The following WNT3A variants were observed in gnomAD, a reference collection of about 807,000 sequenced individuals.
WNT3A encodes Wnt family member 3A, also known as protein Wnt-3a.
WNT3A carries 17 observed loss-of-function variants against 37.0 expected under a neutral mutation model. The observed-to-expected ratio is 0.46, with a 90% CI of 0.31 to 0.69. The LOEUF (loss-of-function observed/expected upper bound fraction) is 0.69, where lower values mean the gene tolerates loss of function less well. Among genes scored for constraint, WNT3A ranks in the 30% least tolerant of loss-of-function variants. WNT3A has a pLI of 0.05. For missense variants in WNT3A, 411 were observed against 510.2 expected (o/e 0.81, Z 1.87); for synonymous variants, 187 against 211.0 (o/e 0.89, Z 0.99).
At chr1:228,024,576 G>T (rs2030808520) in intron 2 of WNT3A, among the ~76,000 whole-genome samples, 1 of 152,178 alleles carries the variant, frequency 6.6e-6, no homozygotes, top group South Asian at 2.1e-4. Flanking sequence ...ATGTGCATCA[G>T]ATGTATGATT....
chr1:228,037,695 C>A lies in WNT3A; in HGVS notation c.314-12961C>A, dbSNP rs943065333. Among the ~76,000 whole-genome samples, 2 of 152,198 alleles carry A rather than the reference C, an allele frequency of 1.3e-5. No homozygotes were observed. The highest frequency in any genetic ancestry group is 3.9e-4 in the East Asian group (2 of 5,170). ...GGGTGGGGGGCTCCCCTGGCTCCAG[C>A]GGCCTCTCTGGTATATCATTAACTC... is the stretch of plus-strand genomic sequence containing the variant. On this transcript the variant is annotated intron_variant, in intron 2 of 3. Coordinates refer to ENST00000284523, the MANE Select transcript of WNT3A (RefSeq NM_033131.4). This position sits in a 1 kb window ranked among gnomAD's most constrained non-coding sequence, Gnocchi z 4.1.
At position 228,060,306 on chromosome 1, in the gene WNT3A, G is replaced by A. The variant is rs187908511; in HGVS notation, c.*841G>A. ...CGTCGAGCTGGGAAGGTTCCATGAAGCGAGTCGGGTCCCCAACCCGTGCCC... is the reference window on the plus strand; with the variant it reads ...CGTCGAGCTGGGAAGGTTCCATGAAACGAGTCGGGTCCCCAACCCGTGCCC... On this transcript the variant is annotated 3_prime_UTR_variant, in exon 4 of 4. Transcript: ENST00000284523. 7.0e-3 allele frequency: 9,508 copies of A among 1,350,976 alleles called. 55 individuals carry two copies. Among genetic ancestry groups the A allele is most frequent in the Non-Finnish European group, 8.4e-3 (8,528 of 1,020,944 alleles). The allele number at this position is 1,350,976 out of a possible 1,614,324, so 83.7% of individuals were successfully genotyped here. A position where few individuals can be genotyped will look rare whatever the true frequency, so the allele number is the denominator to read the frequency against.
intron 1 of WNT3A, among the ~76,000 whole-genome samples, chr1:228,016,032 G>A (rs2030522876): frequency 6.6e-6 from 1 of 152,118 alleles, no homozygotes; most frequent in African/African-American, 2.4e-5. Flanking sequence ...CACCTTCTGG[G>A]CACCCGATGT....
rs1312199347 is a variant in WNT3A, at chr1:228,059,756, GA to G, written c.*292del. 5.6e-5 allele frequency: 70 copies of G among 1,243,110 alleles called. No homozygotes were observed. The Middle Eastern group carries it at 1.6e-3, about 28-fold the overall frequency. 77.0% of individuals were successfully genotyped at this position (1,243,110 alleles called of 1,614,324 possible). On this transcript the variant is annotated 3_prime_UTR_variant, in exon 4 of 4. Coordinates refer to ENST00000284523, the MANE Select transcript of WNT3A (RefSeq NM_033131.4). ...CCTGGGGACGGGGCTCCCCTGGACA[GA>G]GGCGGGGCTACAGATTGGGCGGGGC...
Position 228,060,348 on chromosome 1 carries a change from C to G in WNT3A, c.*883C>G, listed in dbSNP as rs773510049. On this transcript the variant is annotated 3_prime_UTR_variant, in exon 4 of 4. Coordinates refer to ENST00000284523, the MANE Select transcript of WNT3A (RefSeq NM_033131.4). ...CCCGTGCCCCTGGGATCCGAGGGCC[C>G]CTCTCCAAGCGCCTGGCTTTGGAAT... 2 of 1,309,140 alleles carry G rather than the reference C, an allele frequency of 1.5e-6. No homozygotes were observed. Among genetic ancestry groups the G allele is most frequent in the Non-Finnish European group, 2.0e-6 (2 of 984,752 alleles). The allele number at this position is 1,309,140 out of a possible 1,614,324, so 81.1% of individuals were successfully genotyped here.
At chr1:228,045,638 G>A (rs759228311) in intron 2 of WNT3A, among the ~76,000 whole-genome samples, 99 of 152,238 alleles carry the variant, frequency 6.5e-4, no homozygotes, top group Non-Finnish European at 1.1e-3. Flanking sequence ...GGCCCCTCCA[G>A]GCCTGTCTGT....
intron 2 of WNT3A, among the ~76,000 whole-genome samples, chr1:228,032,999 T>G (rs2031048188): frequency 6.6e-6 from 1 of 152,256 alleles, no homozygotes; most frequent in Non-Finnish European, 1.5e-5. Flanking sequence ...TATTCCATTC[T>G]TCCACCCACA....
chr1:228,007,191 G>A lies in WNT3A; in HGVS notation c.63G>A (p.Pro21=), dbSNP rs564795189. ...CSLKQALGSY[P]IWWSLAVGPQ... ...TGAAGCAGGCTCTGGGCAGCTACCC[G>A]ATCTGGTGGTGAGTGAGCCTCCTCG... Residue 21 remains proline (P), a synonymous_variant, in exon 1 of 4, where the codon CCG becomes CCA. Transcript: ENST00000284523. This position sits in a 1 kb window ranked among gnomAD's most constrained non-coding sequence, Gnocchi z 6.0. 1.5e-5 allele frequency: 24 copies of A among 1,602,962 alleles called. No individual in the cohort carries two copies. The highest frequency in any genetic ancestry group is 6.8e-5 in the East Asian group (3 of 44,154).
At position 228,055,179 on chromosome 1, in the gene WNT3A, AATATATATATATATATAT is replaced by A. The variant is rs1180107835; in HGVS notation, c.580-3783_580-3766del. 2.4e-3 allele frequency among the ~76,000 whole-genome samples: 47 copies of A among 19,288 alleles called. 1 individual carries two copies. The highest frequency in any genetic ancestry group is 8.0e-3 in the East Asian group (4 of 500). The allele number at this position is 19,288 out of a possible 152,430, so 12.7% of individuals were successfully genotyped here. A position where few individuals can be genotyped will look rare whatever the true frequency, so the allele number is the denominator to read the frequency against. On this transcript the variant is annotated intron_variant, in intron 3 of 3. Coordinates refer to ENST00000284523, the MANE Select transcript of WNT3A (RefSeq NM_033131.4). Reference sequence around the variant, plus strand: ...GTCCCAAAAAAAAAAAAAAAAAAAAAATATATATATATATATATATATATATATATATATATATATACA... The same window carrying A: ...GTCCCAAAAAAAAAAAAAAAAAAAAAATATATATATATATATATATATACA...
At chr1:228,057,131 C>G (rs146484858) in intron 3 of WNT3A, among the ~76,000 whole-genome samples, 132 of 152,274 alleles carry the variant, frequency 8.7e-4, no homozygotes, top group Non-Finnish European at 1.5e-3. Flanking sequence ...ATGGATAACA[C>G]CAACTACAAA....
rs1225024711 is a variant in WNT3A at position 228,008,291 on chromosome 1, C to T, written c.71+1092C>T. ...CATGCACACTCCCCCCCATCCTTCT[C>T]CGACGGCAGCCTGGAATTATAATAA... On this transcript the variant is annotated intron_variant, in intron 1 of 3. Transcript: ENST00000284523. The surrounding 1 kb of genome is among the most constrained non-coding windows in gnomAD (Gnocchi z 4.9). Among the ~76,000 whole-genome samples the T allele has an allele frequency of 1.3e-5, 2 of 152,362 alleles. No homozygotes were observed. Among genetic ancestry groups the T allele is most frequent in the South Asian group, 2.1e-4 (1 of 4,830 alleles).
intron 1 of WNT3A, among the ~76,000 whole-genome samples, chr1:228,009,676 G>A (rs577058355): frequency 6.6e-5 from 10 of 152,310 alleles, no homozygotes; most frequent in African/African-American, 2.2e-4. Context: ...ACCGGCACAT[G>A]AAAGTGAAAG....
chr1:228,031,719 T>C lies in WNT3A; in HGVS notation c.313+8811T>C, dbSNP rs76564303. On this transcript the variant is annotated intron_variant, in intron 2 of 3. Coordinates refer to ENST00000284523, the MANE Select transcript of WNT3A (RefSeq NM_033131.4). This position sits in a 1 kb window ranked among gnomAD's most constrained non-coding sequence, Gnocchi z 4.8. Reference sequence around the variant, plus strand: ...CGTGTGCATGTGGCTGTGGCATGCATGTGCATGCCTATGTGTGCATGTGAT... The same window carrying C: ...CGTGTGCATGTGGCTGTGGCATGCACGTGCATGCCTATGTGTGCATGTGAT... Among the ~76,000 whole-genome samples the C allele has an allele frequency of 6.6e-6, 1 of 152,146 alleles. No homozygotes were observed. Among genetic ancestry groups the C allele is most frequent in the Non-Finnish European group, 1.5e-5 (1 of 68,020 alleles).
chr1:228,017,418 T>A (rs1057250497), intron 1 of WNT3A, among the ~76,000 whole-genome samples: 1 of 152,082 alleles, frequency 6.6e-6, no homozygotes, highest in African/African-American at 2.4e-5. Context: ...ACTAGCTCTC[T>A]AAAGACCACA....
chr1:228,059,318 C>A lies in WNT3A; in HGVS notation c.912C>A (p.Ile304=). The part of the protein sequence containing the change: ...DRTCNVSSHG[I]DGCDLLCCGR... ...CCTGCAACGTCAGCTCGCACGGCAT[C>A]GACGGCTGCGACCTGCTGTGCTGCG... The change falls in exon 4 of 4, where the codon ATC becomes ATA. Residue 304 remains isoleucine (I), a synonymous_variant. Coordinates refer to ENST00000284523, the MANE Select transcript of WNT3A (RefSeq NM_033131.4). 1 of 1,574,902 alleles carries A rather than the reference C, an allele frequency of 6.3e-7. No homozygotes were observed. Among genetic ancestry groups the A allele is most frequent in the African/African-American group, 1.3e-5 (1 of 74,236 alleles).
chr1:228,014,571 C>A (rs1169763911), intron 1 of WNT3A, among the ~76,000 whole-genome samples: 1 of 152,218 alleles, frequency 6.6e-6, no homozygotes, highest in Non-Finnish European at 1.5e-5. Context: ...CCACTCAGGA[C>A]CCCCACAGCT....
At position 228,050,631 on chromosome 1, in the gene WNT3A, C is replaced by G; in HGVS notation, c.314-25C>G. On this transcript the variant is annotated intron_variant, in intron 2 of 3. Coordinates refer to ENST00000284523, the MANE Select transcript of WNT3A (RefSeq NM_033131.4). This position sits in a 1 kb window ranked among gnomAD's most constrained non-coding sequence, Gnocchi z 5.0. ...GGTCCTTTGAGCTGAGCCCTGTTAA[C>G]CCTGCATCTCTCCTCTCTCTACAGC... 6.4e-7 allele frequency: 1 copy of G among 1,569,436 alleles called. No homozygotes were observed. The highest frequency in any genetic ancestry group is 1.2e-5 in the South Asian group (1 of 84,822).
intron 1 of WNT3A, among the ~76,000 whole-genome samples, chr1:228,013,354 C>T (rs2030433183): frequency 6.6e-6 from 1 of 152,200 alleles, no homozygotes; most frequent in South Asian, 2.1e-4. Flanking sequence ...TCCTTGGCCT[C>T]CCTACTGGCC....
At chr1:228,033,344 C>T (rs768567937) in intron 2 of WNT3A, among the ~76,000 whole-genome samples, 7 of 151,534 alleles carry the variant, frequency 4.6e-5, no homozygotes, top group Non-Finnish European at 1.0e-4. Context: ...TAATTTTCAT[C>T]GACGATGTGA....
Sources: allele counts gnomAD v4.1 joint callset (sites outside exome capture counted in the v4.1 genomes callset), GRCh38; gene constraint gnomAD v4.1.1; non-coding constraint Gnocchi (gnomAD v3.1); transcripts MANE v1.5; gene names NCBI Gene and HGNC (gene_info 2026-07-23, HGNC 2026-07-21).